MYL1: variants seen among roughly 807,000 people sequenced by gnomAD.
MYL1 encodes myosin light chain 1.
Under a neutral mutation model 21.8 loss-of-function variants are expected in MYL1, and 16 were observed. The ratio of observed to expected loss-of-function variants is 0.74; its 90% CI spans 0.50 to 1.12. The LOEUF is 1.12. Among genes scored for constraint, MYL1 ranks in the 50% most tolerant of loss-of-function variants. MYL1 has a pLI of 0.00. For missense variants in MYL1, 246 were observed against 241.0 expected (o/e 1.02, Z -0.14); for synonymous variants, 99 against 85.2 (o/e 1.16, Z -0.89).
At chr2:210,297,981 T>C (rs982353324) in intron 3 of MYL1, among the ~76,000 whole-genome samples, 1 of 152,148 alleles carries the variant, frequency 6.6e-6, no homozygotes, top group Non-Finnish European at 1.5e-5. Flanking sequence ...TAAATCATAT[T>C]TAACATCTTT....
intron 1 of MYL1, among the ~76,000 whole-genome samples, chr2:210,303,284 A>AT (rs1671336721): frequency 6.6e-6 from 1 of 152,182 alleles, no homozygotes. Flanking sequence ...GATATAATGA[A>AT]TCTTATGTGA....
chr2:210,307,245 C>T (rs1690352031), intron 1 of MYL1, among the ~76,000 whole-genome samples: 1 of 152,134 alleles, frequency 6.6e-6, no homozygotes, highest in Non-Finnish European at 1.5e-5. Flanking sequence ...GGATGTGAGC[C>T]TACCCCAACC....
At chr2:210,311,668 G>T (rs981362234) in intron 1 of MYL1, among the ~76,000 whole-genome samples, 11 of 151,940 alleles carry the variant, frequency 7.2e-5, no homozygotes, top group Admixed American at 2.0e-4. Flanking sequence ...TAGGTACATG[G>T]TTATGTTATT....
At chr2:210,298,584 T>TA (rs780520317) in intron 2 of MYL1, 21 bp from the exon 3 acceptor site, 1 of 1,613,412 alleles carries the variant, frequency 6.2e-7, no homozygotes. Flanking sequence ...CAAGAAGCAT[T>TA]AGAGTGCTCT....
intron 3 of MYL1, among the ~76,000 whole-genome samples, chr2:210,296,244 A>T (rs1225846748): frequency 2.0e-5 from 3 of 152,222 alleles, no homozygotes; most frequent in Non-Finnish European, 4.4e-5. Flanking sequence ...TCAAATAAGG[A>T]TAAATAGCAT....
At chr2:210,290,910 A>C (rs1690065348) in intron 6 of MYL1, 122 bp downstream of exon 6, 1 of 521,408 alleles carries the variant, frequency 1.9e-6, no homozygotes, top group Admixed American at 3.7e-5. Flanking sequence ...TTTTCTAATT[A>C]ATATAAATAT....
chr2:210,292,325 G>A (rs985202228), intron 5 of MYL1, among the ~76,000 whole-genome samples: 4 of 151,894 alleles, frequency 2.6e-5, no homozygotes, highest in Non-Finnish European at 5.9e-5. Flanking sequence ...TACCTACCTG[G>A]GCCTCCCAAA....
At chr2:210,301,964 A>G (rs1479460269) in intron 2 of MYL1, among the ~76,000 whole-genome samples, 2 of 152,126 alleles carry the variant, frequency 1.3e-5, no homozygotes, top group Non-Finnish European at 2.9e-5. Context: ...GAGACATTTA[A>G]TGTTCCTTCT....
chr2:210,313,057 T>G (rs767737263), intron 1 of MYL1, among the ~76,000 whole-genome samples: 26 of 152,088 alleles, frequency 1.7e-4, no homozygotes, highest in Middle Eastern at 3.4e-3. Flanking sequence ...TATGAACAAG[T>G]AATTGGCTTA....
chr2:210,302,836 C>T, intron 1 of MYL1: 1 of 1,548,310 alleles, frequency 6.5e-7, no homozygotes, highest in Non-Finnish European at 8.7e-7. Flanking sequence ...AACTAGTACT[C>T]TTTCAAATGC....
intron 2 of MYL1, among the ~76,000 whole-genome samples, chr2:210,299,526 C>T (rs1019398619): frequency 1.3e-5 from 2 of 152,122 alleles, no homozygotes; most frequent in African/African-American, 2.4e-5. Context: ...CATTCCCATT[C>T]TTTTATGAAT....
intron 1 of MYL1, 117 bp downstream of exon 1, chr2:210,314,794 C>G: frequency 8.8e-7 from 1 of 1,135,092 alleles, no homozygotes; most frequent in Non-Finnish European, 1.3e-6. Flanking sequence ...TCATAATCTA[C>G]CAGCTCACTA....
chr2:210,298,583 T>C lies in MYL1; in HGVS notation c.161-20A>G. 1 of 1,613,442 alleles carries C rather than the reference T, an allele frequency of 6.2e-7. No individual in the cohort carries two copies. Among genetic ancestry groups the C allele is most frequent in the South Asian group, 1.1e-5 (1 of 91,066 alleles). ...TGAATTCTGCAAAAAGCAAGAAGCATTAGAGTGCTCTTTTCTTCCTCTAAC... is the reference window on the plus strand; with the variant it reads ...TGAATTCTGCAAAAAGCAAGAAGCACTAGAGTGCTCTTTTCTTCCTCTAAC... On this transcript the variant is annotated intron_variant, in intron 2 of 6. Coordinates refer to ENST00000352451, the MANE Select transcript of MYL1 (RefSeq NM_079420.3).
chr2:210,291,304 T>G (rs1314230273), intron 5 of MYL1, among the ~76,000 whole-genome samples: 1 of 152,218 alleles, frequency 6.6e-6, no homozygotes, highest in African/African-American at 2.4e-5. Context: ...ACATACATTT[T>G]TATTTTTAAC....
At chr2:210,296,188 C>T (rs191032850) in intron 3 of MYL1, among the ~76,000 whole-genome samples, 3 of 152,100 alleles carry the variant, frequency 2.0e-5, no homozygotes, top group East Asian at 1.9e-4. Flanking sequence ...TATGTATTTA[C>T]GGGGTAAAGT....
At chr2:210,306,291 G>T (rs930214997) in intron 1 of MYL1, among the ~76,000 whole-genome samples, 1 of 150,012 alleles carries the variant, frequency 6.7e-6, no homozygotes, top group African/African-American at 2.5e-5. Context: ...TGAGGCAAGA[G>T]AATCACTTGA....
chr2:210,306,048 G>A (rs989369249), intron 1 of MYL1, among the ~76,000 whole-genome samples: 1 of 143,688 alleles, frequency 7.0e-6, no homozygotes, highest in South Asian at 2.3e-4. Flanking sequence ...CAGCAAGAAT[G>A]AAACTCCCTC....
intron 1 of MYL1, among the ~76,000 whole-genome samples, chr2:210,306,579 T>A (rs1690344588): frequency 6.6e-6 from 1 of 152,102 alleles, no homozygotes; most frequent in African/African-American, 2.4e-5. Context: ...AGAATCAACA[T>A]AAATATTTGA....
intron 1 of MYL1, among the ~76,000 whole-genome samples, chr2:210,311,819 T>C (rs1188838468): frequency 6.6e-6 from 1 of 151,990 alleles, no homozygotes; most frequent in Non-Finnish European, 1.5e-5. Context: ...TTACTGGGAG[T>C]ATTAGCTCTC....
Sources: allele counts gnomAD v4.1 joint callset (sites outside exome capture counted in the v4.1 genomes callset), GRCh38; gene constraint gnomAD v4.1.1; transcripts MANE v1.5; gene names NCBI Gene and HGNC (gene_info 2026-07-23, HGNC 2026-07-21).